The following MCOLN2 variants were observed in gnomAD, a reference collection of about 807,000 sequenced individuals.
MCOLN2 encodes mucolipin TRP cation channel 2, also known as mucolipin-2.
MCOLN2 carries 57 observed loss-of-function variants against 67.5 expected under a neutral mutation model. The ratio of observed to expected loss-of-function variants is 0.84; its 90% CI spans 0.68 to 1.05. The LOEUF is 1.05. MCOLN2 is among the 50% of genes least tolerant of loss of function. The probability of loss-of-function intolerance (pLI) is 0.00; values close to 1 mark genes in which losing one functional copy is unlikely to be tolerated. For missense variants in MCOLN2, 620 were observed against 678.8 expected (o/e 0.91, Z 0.96); for synonymous variants, 246 against 233.3 (o/e 1.05, Z -0.50).
At position 84,947,064 on chromosome 1, in the gene MCOLN2, T is replaced by C. The variant is rs756464104; in HGVS notation, c.816A>G (p.Glu272=). Residue 272 remains glutamate, a synonymous_variant, in exon 7 of 14, where the codon GAA becomes GAG. Transcript: ENST00000370608. Reference sequence around the variant, plus strand: ...CAAATATGTTCAAGTCTTTACATTCTTCAATTTTGGCATCACTGTCAAAAT... The same window carrying C: ...CAAATATGTTCAAGTCTTTACATTCCTCAATTTTGGCATCACTGTCAAAAT... ...KIYFDSDAKI[E]ECKDLNIFGS... 16 of 1,592,678 alleles carry C rather than the reference T, an allele frequency of 1.0e-5. No individual in the cohort carries two copies. The highest frequency in any genetic ancestry group is 3.3e-5 in the Admixed American group (2 of 59,960).
At chr1:84,988,125 C>T (rs1650711385) in intron 1 of MCOLN2, among the ~76,000 whole-genome samples, 1 of 152,120 alleles carries the variant, frequency 6.6e-6, no homozygotes, top group Non-Finnish European at 1.5e-5. Flanking sequence ...CAGTTGGAAT[C>T]CTTAGTGCAA....
chr1:84,956,702 A>T (rs940803691), intron 3 of MCOLN2, 118 bp from the exon 4 acceptor site: 10 of 782,448 alleles, frequency 1.3e-5, no homozygotes, highest in Middle Eastern at 2.8e-4. Flanking sequence ...GGCTCTCAAT[A>T]GAACTTCCCA....
chr1:84,965,601 ATC>A lies in MCOLN2; in HGVS notation c.183_184del (p.Gln61HisfsTer26), dbSNP rs751513961. 11 of 1,614,078 alleles carry A rather than the reference ATC, an allele frequency of 6.8e-6. No homozygotes were observed. In the South Asian group the frequency reaches 1.2e-4, roughly 18 times the overall value. On this transcript the variant is annotated frameshift_variant, in exon 2 of 14. Coordinates refer to ENST00000370608, the MANE Select transcript of MCOLN2 (RefSeq NM_153259.4). LOFTEE classifies it high-confidence loss of function. ...AATCTGCAAACCCAGTTTCCACGGA[ATC>A]TGGCGTCTGGCTCGGTATTTTTCAC...
chr1:84,936,370 CA>C (rs1647429546), intron 11 of MCOLN2, among the ~76,000 whole-genome samples: 1 of 152,166 alleles, frequency 6.6e-6, no homozygotes, highest in South Asian at 2.1e-4. Context: ...GCCGAATCCT[CA>C]GGAACGGTAT....
In MCOLN2 at chr1:84,930,619, C is replaced by T. The variant is rs185684625; in HGVS notation, c.1542+743G>A. On this transcript the variant is annotated intron_variant, in intron 12 of 13. Transcript: ENST00000370608. Reference sequence around the variant, plus strand: ...GAGGCAACTACCATTCCCACCTGAACACTTACTTATCTTCCCACACACTCA... The same window carrying T: ...GAGGCAACTACCATTCCCACCTGAATACTTACTTATCTTCCCACACACTCA... Among the ~76,000 whole-genome samples, 3 of 152,278 alleles carry T rather than the reference C, an allele frequency of 2.0e-5. No individual in the cohort carries two copies. In the East Asian group the frequency reaches 5.8e-4, roughly 29 times the overall value.
In MCOLN2 at chr1:84,958,515, A is replaced by G; in HGVS notation, c.411+14T>C. ...CATTGTTAAAGTATAGGTCATTCACAACAAAACACTTGCCTGATTAATAGC... is the reference window on the plus strand; with the variant it reads ...CATTGTTAAAGTATAGGTCATTCACGACAAAACACTTGCCTGATTAATAGC... On this transcript the variant is annotated intron_variant, in intron 3 of 13. Transcript: ENST00000370608. 1 of 1,593,318 alleles carries G rather than the reference A, an allele frequency of 6.3e-7. No individual in the cohort carries two copies. Among genetic ancestry groups the G allele is most frequent in the Non-Finnish European group, 8.5e-7 (1 of 1,175,008 alleles).
intron 1 of MCOLN2, among the ~76,000 whole-genome samples, chr1:84,984,333 C>T (rs920716932): frequency 1.3e-5 from 2 of 152,168 alleles, no homozygotes; most frequent in Non-Finnish European, 2.9e-5. Flanking sequence ...TCTGACAGCA[C>T]CCTTAAATAC....
intron 9 of MCOLN2, among the ~76,000 whole-genome samples, chr1:84,939,330 A>G (rs1273516460): frequency 6.6e-6 from 1 of 152,186 alleles, no homozygotes; most frequent in African/African-American, 2.4e-5. Context: ...AATCTTTTCA[A>G]GCTTAGTCAC....
intron 1 of MCOLN2, among the ~76,000 whole-genome samples, chr1:84,977,395 T>C (rs1432163436): frequency 1.3e-5 from 2 of 151,808 alleles, no homozygotes; most frequent in African/African-American, 4.8e-5. Context: ...TAATTATCAA[T>C]AATAACATTG....
chr1:84,930,439 A>G (rs1481331953), intron 12 of MCOLN2, among the ~76,000 whole-genome samples: 6 of 151,968 alleles, frequency 3.9e-5, no homozygotes, highest in Non-Finnish European at 8.8e-5. Flanking sequence ...TTTTCCAAGC[A>G]GACACAAAGA....
chr1:84,986,168 A>C (rs1440579953), intron 1 of MCOLN2, among the ~76,000 whole-genome samples: 1 of 152,232 alleles, frequency 6.6e-6, no homozygotes, highest in East Asian at 1.9e-4. Context: ...TCTTCGACAA[A>C]GCAAACAAAA....
At chr1:84,977,363 T>TGAC (rs1553157936) in intron 1 of MCOLN2, among the ~76,000 whole-genome samples, 1 of 151,000 alleles carries the variant, frequency 6.6e-6, no homozygotes, top group Non-Finnish European at 1.5e-5. Context: ...AGAAAATAAA[T>TGAC]AAAGTGGCAA....
At chr1:84,943,735 G>A (rs1268653095) in intron 7 of MCOLN2, among the ~76,000 whole-genome samples, 1 of 152,204 alleles carries the variant, frequency 6.6e-6, no homozygotes, top group Admixed American at 6.5e-5. Context: ...CTAAGCTTCA[G>A]ATGTCCCACC....
In MCOLN2 at chr1:84,949,795, A is replaced by C. The variant is rs558645816; in HGVS notation, c.747+2448T>G. Among the ~76,000 whole-genome samples the C allele has an allele frequency of 3.0e-4, 45 of 152,298 alleles. 2 individuals carry two copies. In the South Asian group the frequency reaches 4.3e-3, roughly 15 times the overall value. ...ATTCAAAGGGTTTAAAGAAAAAAAA[A>C]AACAACAAAACTGTCAGTCAAGAAT... is the stretch of plus-strand genomic sequence containing the variant. On this transcript the variant is annotated intron_variant, in intron 6 of 13. Coordinates refer to ENST00000370608, the MANE Select transcript of MCOLN2 (RefSeq NM_153259.4).
chr1:84,944,305 C>A (rs187698313), intron 7 of MCOLN2, among the ~76,000 whole-genome samples: 1 of 152,060 alleles, frequency 6.6e-6, no homozygotes, highest in African/African-American at 2.4e-5. Flanking sequence ...GAGGCCGAGG[C>A]GGGCAGATCA....
intron 13 of MCOLN2, among the ~76,000 whole-genome samples, chr1:84,927,737 C>T (rs1661229507): frequency 6.6e-6 from 1 of 152,184 alleles, no homozygotes; most frequent in African/African-American, 2.4e-5. Flanking sequence ...TCATCTTTAG[C>T]CTCCATTCAC....
intron 2 of MCOLN2, among the ~76,000 whole-genome samples, chr1:84,961,378 T>A (rs1179417515): frequency 1.3e-5 from 2 of 151,920 alleles, no homozygotes; most frequent in Non-Finnish European, 2.9e-5. Context: ...ACCATGAAAG[T>A]GGTATATAGT....
intron 1 of MCOLN2, among the ~76,000 whole-genome samples, chr1:84,983,339 G>A (rs1650352452): frequency 6.6e-6 from 1 of 152,098 alleles, no homozygotes; most frequent in Non-Finnish European, 1.5e-5. Context: ...ATGCAATCAT[G>A]GCTCATTGCA....
intron 1 of MCOLN2, among the ~76,000 whole-genome samples, chr1:84,979,608 T>G (rs952233192): frequency 1.3e-5 from 2 of 152,212 alleles, no homozygotes; most frequent in African/African-American, 4.8e-5. Flanking sequence ...GAAAAAGCAT[T>G]TGATAAAATT....
Sources: gnomAD v4.1 joint callset for allele counts (sites outside exome capture counted in the v4.1 genomes callset) on GRCh38, gnomAD v4.1.1 for gene constraint, MANE v1.5 for transcripts, NCBI Gene and HGNC (gene_info 2026-07-23, HGNC 2026-07-21) for gene names.